The following CIAO1 variants were observed in gnomAD, a reference collection of about 807,000 sequenced individuals.
CIAO1 encodes the protein probable cytosolic iron-sulfur protein assembly protein CIAO1.
Under a neutral mutation model 43.1 loss-of-function variants are expected in CIAO1, and 32 were observed. The observed-to-expected ratio is 0.74, with a 90% CI of 0.56 to 1.00. The LOEUF (loss-of-function observed/expected upper bound fraction) is 1.00, where lower values mean the gene tolerates loss of function less well. CIAO1 is among the 50% of genes least tolerant of loss of function. The probability of loss-of-function intolerance (pLI) is 0.00; values close to 1 mark genes in which losing one functional copy is unlikely to be tolerated. For synonymous variants in CIAO1, 183 were observed against 171.4 expected, an observed-to-expected ratio of 1.07 and a Z score of -0.53; for missense variants, 415 against 437.4, an observed-to-expected ratio of 0.95 and a Z score of 0.46.
chr2:96,269,848 C>T (rs1299529449), intron 6 of CIAO1, among the ~76,000 whole-genome samples: 2 of 152,106 alleles, frequency 1.3e-5, no homozygotes, highest in East Asian at 2.0e-4. Context: ...GGTTTCACCG[C>T]GTTAGCCAGG....
At chr2:96,268,313 T>C (rs1573981092) in intron 4 of CIAO1, 144 bp from the exon 5 acceptor site, 1 of 713,474 alleles carries the variant, frequency 1.4e-6, no homozygotes, top group East Asian at 2.7e-5. Context: ...GATCGTGCTA[T>C]TGCACTCCAG....
Position 96,267,924 on chromosome 2 carries a change from G to A in CIAO1, c.489G>A (p.Glu163=). 1 of 1,613,602 alleles carries A rather than the reference G, an allele frequency of 6.2e-7. No homozygotes were observed. The highest frequency in any genetic ancestry group is 8.5e-7 in the Non-Finnish European group (1 of 1,179,548). ...VKHVVWHPSQ[E]LLASASYDDT... ...ATGTGGTTTGGCACCCAAGTCAGGA[G>A]GTAAGAGTCAAGCAGGGACTCTTGT... The change falls in exon 4 of 7, where the codon GAG becomes GAA. Residue 163 remains glutamate (E), a splice_region_variant and synonymous_variant. Transcript: ENST00000488633.
In CIAO1 at chr2:96,273,962, A is replaced by C. The variant is rs915086200; in HGVS notation, c.*2611A>C. ...GGTGGCTCATGCCTGTAATCCCAGCACTCTGGGAGGCTGAGGTGGGCGGAT... is the reference window on the plus strand; with the variant it reads ...GGTGGCTCATGCCTGTAATCCCAGCCCTCTGGGAGGCTGAGGTGGGCGGAT... On this transcript the variant is annotated 3_prime_UTR_variant, in exon 7 of 7. Coordinates refer to ENST00000488633, the MANE Select transcript of CIAO1 (RefSeq NM_004804.3). Among the ~76,000 whole-genome samples, 7 of 151,696 alleles carry C rather than the reference A, an allele frequency of 4.6e-5. No individual in the cohort carries two copies. Among genetic ancestry groups the C allele is most frequent in the Non-Finnish European group, 8.8e-5 (6 of 67,946 alleles).
chr2:96,268,244 CG>C (rs1558758410), intron 4 of CIAO1, among the ~76,000 whole-genome samples: 1 of 152,130 alleles, frequency 6.6e-6, no homozygotes, highest in Admixed American at 6.5e-5. Context: ...CCCAGCTATT[CG>C]GGAGGCTGAG....
At position 96,268,467 on chromosome 2, in the gene CIAO1, C is replaced by T; in HGVS notation, c.500C>T (p.Ser167Phe). Residue 167 changes from serine to phenylalanine, a missense_variant, in exon 5 of 7, where the codon TCT (serine) becomes TTT (phenylalanine). Ser to Phe is a radical substitution (Grantham distance 155). Coordinates refer to ENST00000488633, the MANE Select transcript of CIAO1 (RefSeq NM_004804.3). Reference protein sequence around the residue: ...VWHPSQELLASASYDDTVKLY... With the variant: ...VWHPSQELLAFASYDDTVKLY... The stretch of plus-strand genomic sequence containing the variant: ...TCACTCTTCCCCCAGCTCTTAGCTT[C>T]TGCCAGCTATGATGACACAGTGAAG... The T allele has an allele frequency of 6.2e-7, 1 of 1,614,180 alleles. No individual in the cohort carries two copies. The highest frequency in any genetic ancestry group is 8.5e-7 in the Non-Finnish European group (1 of 1,179,986).
intron 4 of CIAO1, 88 bp from the exon 5 acceptor site, chr2:96,268,369 A>C (rs1684478170): frequency 9.1e-7 from 1 of 1,097,760 alleles, no homozygotes; most frequent in Non-Finnish European, 1.4e-6. Flanking sequence ...TAATAAAATA[A>C]AATAAAAGCA....
chr2:96,272,011 T>G lies in CIAO1; in HGVS notation c.*660T>G, dbSNP rs534718762. 2.0e-5 allele frequency: 3 copies of G among 152,208 alleles called. No homozygotes were observed. Among genetic ancestry groups the G allele is most frequent in the Non-Finnish European group, 4.4e-5 (3 of 68,084 alleles). 9.4% of individuals were successfully genotyped at this position (152,208 alleles called of 1,614,324 possible). ...TTATTACTGGCCACAAGCCCTGTAT[T>G]CTCAACAGGGATGCAAATTGGTTCT... is the stretch of plus-strand genomic sequence containing the variant. On this transcript the variant is annotated 3_prime_UTR_variant, in exon 7 of 7. Transcript: ENST00000488633.
In CIAO1 at chr2:96,269,312, A is replaced by G; in HGVS notation, c.736A>G (p.Thr246Ala). Reference protein sequence around the residue: ...GSDPSWKCICTLSGFHSRTIY... With the variant: ...GSDPSWKCICALSGFHSRTIY... ...TGACCCCAGTTGGAAATGTATCTGT[A>G]CTTTGTCCGGCTTCCACTCAAGGAC... The change falls in exon 6 of 7, where the codon ACT (threonine) becomes GCT (alanine). Residue 246 changes from threonine to alanine, a missense_variant. Thr to Ala is a moderately conservative substitution (Grantham distance 58). Transcript: ENST00000488633. 1.2e-6 allele frequency: 2 copies of G among 1,614,138 alleles called. No individual in the cohort carries two copies. The highest frequency in any genetic ancestry group is 1.7e-6 in the Non-Finnish European group (2 of 1,180,020).
chr2:96,267,284 A>C (rs1573980027), intron 1 of CIAO1, 37 bp from the exon 2 acceptor site: 1 of 1,590,722 alleles, frequency 6.3e-7, no homozygotes, highest in Middle Eastern at 1.7e-4. Flanking sequence ...ATGGTGCTGC[A>C]CCCAGCTCCA....
chr2:96,269,514 A>G (rs949987704), intron 6 of CIAO1, among the ~76,000 whole-genome samples, 159 bp downstream of exon 6: 5 of 152,194 alleles, frequency 3.3e-5, no homozygotes, highest in African/African-American at 1.2e-4. Flanking sequence ...GCTGGTTTAC[A>G]GCTGGCTGGG....
chr2:96,270,087 T>C (rs917406821), intron 6 of CIAO1, among the ~76,000 whole-genome samples: 2 of 152,232 alleles, frequency 1.3e-5, no homozygotes, highest in African/African-American at 4.8e-5. Context: ...TGAAAAAAAC[T>C]GAGCACTTAA....
intron 3 of CIAO1, 32 bp downstream of exon 3, chr2:96,267,768 A>G: frequency 2.5e-6 from 4 of 1,607,520 alleles, no homozygotes; most frequent in Non-Finnish European, 3.4e-6. Context: ...TGGATTGGGA[A>G]CCACCTGACA....
intron 6 of CIAO1, among the ~76,000 whole-genome samples, chr2:96,270,282 G>GA: frequency 6.6e-6 from 1 of 152,258 alleles, no homozygotes; most frequent in South Asian, 2.1e-4. Context: ...CAAGGTGAGT[G>GA]AATCATGAGG....
At position 96,267,475 on chromosome 2, in the gene CIAO1, C is replaced by T; in HGVS notation, c.288+6C>T. On this transcript the variant is annotated splice_donor_region_variant and intron_variant, in intron 2 of 6. Transcript: ENST00000488633. ...AGAACCAGGATGACTTTGAGGTACCCAGGCTGGTTGGGACCAGAATTATTG... is the reference window on the plus strand; with the variant it reads ...AGAACCAGGATGACTTTGAGGTACCTAGGCTGGTTGGGACCAGAATTATTG... 1 of 1,613,918 alleles carries T rather than the reference C, an allele frequency of 6.2e-7. No individual in the cohort carries two copies. The highest frequency in any genetic ancestry group is 8.5e-7 in the Non-Finnish European group (1 of 1,179,830).
rs200306088 is a variant in CIAO1, at chr2:96,268,054, C to T, written c.489+130C>T. ...ATCTGTGAACAAAAAACATTAGTCC[C>T]TTTATAAAAACAGATCCGGCTGGGT... is the stretch of plus-strand genomic sequence containing the variant. On this transcript the variant is annotated intron_variant, in intron 4 of 6. Coordinates refer to ENST00000488633, the MANE Select transcript of CIAO1 (RefSeq NM_004804.3). 6.1e-4 allele frequency: 478 copies of T among 789,270 alleles called. 3 individuals are homozygous for T. In the East Asian group the frequency reaches 0.011, roughly 19 times the overall value. 48.9% of individuals were successfully genotyped at this position (789,270 alleles called of 1,614,324 possible). A position where few individuals can be genotyped will look rare whatever the true frequency, so the allele number is the denominator to read the frequency against.
chr2:96,267,916 A>G lies in CIAO1; in HGVS notation c.481A>G (p.Ser161Gly). Residue 161 changes from serine (S) to glycine (G), a missense_variant, in exon 4 of 7, where the codon AGT (serine) becomes GGT (glycine). By Grantham distance (56) the Ser-to-Gly change is moderately conservative. Coordinates refer to ENST00000488633, the MANE Select transcript of CIAO1 (RefSeq NM_004804.3). The part of the protein sequence containing the change: ...QDVKHVVWHP[S>G]QELLASASYD... ...TGTCAAGCATGTGGTTTGGCACCCA[A>G]GTCAGGAGGTAAGAGTCAAGCAGGG... is the stretch of plus-strand genomic sequence containing the variant. The G allele has an allele frequency of 6.2e-7, 1 of 1,613,988 alleles. No individual in the cohort carries two copies. The highest frequency in any genetic ancestry group is 8.5e-7 in the Non-Finnish European group (1 of 1,179,874).
intron 2 of CIAO1, 27 bp downstream of exon 2, chr2:96,267,496 T>C: frequency 6.2e-7 from 1 of 1,612,588 alleles, no homozygotes; most frequent in African/African-American, 1.3e-5. Flanking sequence ...GGACCAGAAT[T>C]ATTGCCTGTT....
Position 96,268,018 on chromosome 2 carries a change from C to G in CIAO1, c.489+94C>G. The G allele has an allele frequency of 5.9e-6, 6 of 1,017,938 alleles. No individual in the cohort carries two copies. The South Asian group carries it at 7.8e-5, about 13-fold the overall frequency. 63.1% of individuals were successfully genotyped at this position (1,017,938 alleles called of 1,614,324 possible). A position where few individuals can be genotyped will look rare whatever the true frequency, so the allele number is the denominator to read the frequency against. ...CTTTTCAGCCTTAATCTAGCTTTTA[C>G]GGAGAGTTCCATCTGTGAACAAAAA... On this transcript the variant is annotated intron_variant, in intron 4 of 6. Transcript: ENST00000488633.
chr2:96,267,439 C>T lies in CIAO1; in HGVS notation c.258C>T (p.Cys86=). The part of the protein sequence containing the change: ...LASASFDATT[C]IWKKNQDDFE... ...CTGCCAGCTTTGATGCTACCACTTG[C>T]ATTTGGAAGAAGAACCAGGATGACT... Residue 86 remains cysteine (C), a synonymous_variant, in exon 2 of 7, where the codon TGC becomes TGT. Coordinates refer to ENST00000488633, the MANE Select transcript of CIAO1 (RefSeq NM_004804.3). The T allele has an allele frequency of 1.9e-6, 3 of 1,614,230 alleles. No homozygotes were observed. The highest frequency in any genetic ancestry group is 2.5e-6 in the Non-Finnish European group (3 of 1,180,026).
Sources: allele counts gnomAD v4.1 joint callset (sites outside exome capture counted in the v4.1 genomes callset), GRCh38; gene constraint gnomAD v4.1.1; transcripts MANE v1.5; gene names NCBI Gene and HGNC (gene_info 2026-07-23, HGNC 2026-07-21).